Variants in PDE4A observed in about 807,000 individuals in gnomAD.
PDE4A encodes phosphodiesterase 4A.
A neutral mutation model predicts 73.9 loss-of-function variants in PDE4A; 21 were observed. That is an observed-to-expected ratio of 0.28 (90% CI 0.20 to 0.41). PDE4A has a LOEUF of 0.41. Ranked by LOEUF, PDE4A falls within the 10% of genes least tolerant of loss-of-function variation. PDE4A has a pLI of 1.00. For synonymous variants in PDE4A, 463 were observed against 505.4 expected, an observed-to-expected ratio of 0.92 and a Z score of 1.13; for missense variants, 958 against 1,211.4, an observed-to-expected ratio of 0.79 and a Z score of 3.10.
intron 1 of PDE4A, chr19:10,432,374 C>G: frequency 1.7e-5 from 23 of 1,324,124 alleles, no homozygotes; most frequent in Non-Finnish European, 2.0e-5. Flanking sequence ...TGGCCAGCAG[C>G]GCGCGCCACA....
At chr19:10,431,443 T>G (rs930229) in intron 1 of PDE4A, among the ~76,000 whole-genome samples, 26,567 of 152,042 alleles carry the variant, frequency 0.17, 2,777 homozygotes, top group African/African-American at 0.29. Context: ...ATGCCTTCTG[T>G]GGGTGGCCTT....
chr19:10,417,832 C>T (rs751633586), upstream of PDE4A: 9 of 1,558,662 alleles, frequency 5.8e-6, no homozygotes, highest in South Asian at 8.1e-5. Context: ...CTGATCCCAC[C>T]GCGGATTTCC....
In PDE4A at chr19:10,456,327, A is replaced by G. The variant is rs190864243; in HGVS notation, c.877+1405A>G. Among the ~76,000 whole-genome samples the G allele has an allele frequency of 1.5e-3, 224 of 152,166 alleles. 2 individuals carry two copies. The highest frequency in any genetic ancestry group is 5.2e-3 in the African/African-American group (215 of 41,498). ...CAGATCATGAGGTCAGGAGTTCAAG[A>G]CCAGCCTGACCAACATGGTGAAACG... On this transcript the variant is annotated intron_variant, in intron 7 of 14. Transcript: ENST00000380702.
intron 1 of PDE4A, among the ~76,000 whole-genome samples, chr19:10,441,721 G>A (rs993976469): frequency 3.1e-5 from 4 of 127,508 alleles, no homozygotes; most frequent in African/African-American, 9.4e-5. Flanking sequence ...ATGGAGTCTC[G>A]CTCTGTCATC....
At chr19:10,428,359 AGAGAG>A (rs1218251143) in intron 1 of PDE4A, among the ~76,000 whole-genome samples, 2 of 26,542 alleles carry the variant, frequency 7.5e-5, no homozygotes, top group Non-Finnish European at 1.5e-4. Flanking sequence ...TCCTGTCTCG[AGAGAG>A]AGAGAGAGAG....
chr19:10,422,712 C>T (rs1254709702), intron 1 of PDE4A, among the ~76,000 whole-genome samples: 1 of 152,180 alleles, frequency 6.6e-6, no homozygotes, highest in East Asian at 1.9e-4. Flanking sequence ...CCCCTGCACC[C>T]TTCTACCCAC....
upstream of PDE4A, chr19:10,418,882 G>T: frequency 3.0e-6 from 3 of 984,542 alleles, no homozygotes; most frequent in Non-Finnish European, 3.6e-6. Flanking sequence ...CCTAGAAGCC[G>T]TTTTGAGTGT....
Position 10,436,868 on chromosome 19 carries a change from G to A in PDE4A, c.321-9350G>A, listed in dbSNP as rs545801114. 3.4e-3 allele frequency among the ~76,000 whole-genome samples: 520 copies of A among 151,990 alleles called. 1 individual carries two copies. The highest frequency in any genetic ancestry group is 0.012 in the African/African-American group (503 of 41,460). ...TGGCCTGGCCAACATGGTGAAACCC[G>A]TCTCTACTAAAAATACAAAAATTAG... On this transcript the variant is annotated intron_variant, in intron 1 of 14. Transcript: ENST00000380702.
At position 10,453,094 on chromosome 19, in the gene PDE4A, G is replaced by T; in HGVS notation, c.784-1735G>T. 7.4e-7 allele frequency: 1 copy of T among 1,347,684 alleles called. No individual in the cohort carries two copies. The highest frequency in any genetic ancestry group is 9.5e-7 in the Non-Finnish European group (1 of 1,051,736). The allele number at this position is 1,347,684 out of a possible 1,614,324, so 83.5% of individuals were successfully genotyped here. The stretch of plus-strand genomic sequence containing the variant: ...CATGTAACCAGGGCTGCTGCTGGGA[G>T]CGCGGAGGGGAAGGGAGCCCCCAGC... On this transcript the variant is annotated intron_variant, in intron 6 of 14. Coordinates refer to ENST00000380702, the MANE Select transcript of PDE4A (RefSeq NM_001111307.2). This position sits in a 1 kb window ranked among gnomAD's most constrained non-coding sequence, Gnocchi z 4.6.
At chr19:10,432,441 T>C in intron 1 of PDE4A, 1 of 1,468,130 alleles carries the variant, frequency 6.8e-7, no homozygotes. Context: ...TCCCATGCGC[T>C]CCGGTGCAGC....
chr19:10,440,431 T>C lies in PDE4A; in HGVS notation c.321-5787T>C, dbSNP rs1203766472. On this transcript the variant is annotated intron_variant, in intron 1 of 14. Coordinates refer to ENST00000380702, the MANE Select transcript of PDE4A (RefSeq NM_001111307.2). ...AAGTCAAATTATTTACAATTTATTA[T>C]TTATTATTTTGAGACAGGGTCTCAC... Among the ~76,000 whole-genome samples, 4 of 152,104 alleles carry C rather than the reference T, an allele frequency of 2.6e-5. No homozygotes were observed. The East Asian group carries it at 7.7e-4, about 29-fold the overall frequency.
intron 1 of PDE4A, among the ~76,000 whole-genome samples, chr19:10,437,451 A>G (rs915893798): frequency 6.6e-6 from 1 of 151,540 alleles, no homozygotes; most frequent in Non-Finnish European, 1.5e-5. Flanking sequence ...ATAGGGTCTC[A>G]CTGTATCACC....
intron 1 of PDE4A, chr19:10,430,790 C>A: frequency 1.5e-6 from 1 of 673,266 alleles, no homozygotes; most frequent in South Asian, 6.3e-5. Flanking sequence ...GTGGGCCTGG[C>A]GGGGTGGGCG....
chr19:10,450,980 C>T (rs1419745840), intron 6 of PDE4A, 39 bp downstream of exon 6: 2 of 1,088,592 alleles, frequency 1.8e-6, no homozygotes, highest in African/African-American at 1.6e-5. Context: ...GCGGGGCAGG[C>T]GGGGGCGGGG....
intron 6 of PDE4A, 172 bp from the exon 7 acceptor site, chr19:10,454,657 A>G: frequency 1.5e-6 from 1 of 676,866 alleles, no homozygotes; most frequent in Non-Finnish European, 1.8e-6. Flanking sequence ...CAGAGCTGGG[A>G]GGACAGGAAA....
In PDE4A at chr19:10,461,942, C is replaced by G. The variant is rs1294996884; in HGVS notation, c.1686C>G (p.Thr562=). 6.2e-7 allele frequency: 1 copy of G among 1,614,064 alleles called. No homozygotes were observed. Among genetic ancestry groups the G allele is most frequent in the East Asian group, 2.2e-5 (1 of 44,872 alleles). The part of the protein sequence containing the change: ...LLADLKTMVE[T]KKVTSSGVLL... ...CTGACCTGAAGACCATGGTGGAGAC[C>G]AAGAAAGTGACCAGCTCAGGGGTCC... is the stretch of plus-strand genomic sequence containing the variant. The change falls in exon 13 of 15, where the codon ACC becomes ACG. Residue 562 remains threonine (T), a synonymous_variant. Transcript: ENST00000380702.
At chr19:10,425,160 G>A (rs1052529404) in intron 1 of PDE4A, among the ~76,000 whole-genome samples, 7 of 151,748 alleles carry the variant, frequency 4.6e-5, no homozygotes, top group Non-Finnish European at 1.0e-4. Context: ...GGAGGCAGAG[G>A]TTGCAGTGAG....
At position 10,453,065 on chromosome 19, in the gene PDE4A, G is replaced by C; in HGVS notation, c.784-1764G>C. On this transcript the variant is annotated intron_variant, in intron 6 of 14. Transcript: ENST00000380702. The surrounding 1 kb of genome is among the most constrained non-coding windows in gnomAD (Gnocchi z 4.6). The stretch of plus-strand genomic sequence containing the variant: ...GGGCCCGTTGGGGCCCAGGGCTGGC[G>C]GGCCATGTAACCAGGGCTGCTGCTG... 1 of 1,329,780 alleles carries C rather than the reference G, an allele frequency of 7.5e-7. No homozygotes were observed. The highest frequency in any genetic ancestry group is 9.6e-7 in the Non-Finnish European group (1 of 1,041,434). 82.4% of individuals were successfully genotyped at this position (1,329,780 alleles called of 1,614,324 possible).
At chr19:10,433,295 C>T (rs2042819480) in intron 1 of PDE4A, among the ~76,000 whole-genome samples, 1 of 152,086 alleles carries the variant, frequency 6.6e-6, no homozygotes, top group African/African-American at 2.4e-5. Context: ...CAGACCACAG[C>T]AACCCTGGCC....
Sources: allele counts gnomAD v4.1 joint callset (sites outside exome capture counted in the v4.1 genomes callset), GRCh38; gene constraint gnomAD v4.1.1; non-coding constraint Gnocchi (gnomAD v3.1); transcripts MANE v1.5; gene names NCBI Gene and HGNC (gene_info 2026-07-23, HGNC 2026-07-21).